Variants in AMBRA1 observed in about 807,000 individuals in gnomAD.
The protein encoded by AMBRA1 is activating molecule in BECN1-regulated autophagy protein 1.
Under a neutral mutation model 125.4 loss-of-function variants are expected in AMBRA1, and 47 were observed. The observed-to-expected ratio is 0.37, with a 90% CI of 0.30 to 0.48. AMBRA1 has a LOEUF of 0.48. AMBRA1 is among the 20% of genes least tolerant of loss of function. The pLI, the probability that AMBRA1 is intolerant of heterozygous loss-of-function variation, is 0.99. For synonymous variants in AMBRA1, 626 were observed against 655.5 expected (o/e 0.95, Z 0.69); for missense variants, 1,331 against 1,693.4 (o/e 0.79, Z 3.76).
chr11:46,543,126 G>A lies in AMBRA1; in HGVS notation c.891C>T (p.Pro297=), dbSNP rs1289638734. The part of the protein sequence containing the change: ...YIRLRQRVSY[P]TAECCQHLGI... ...CAAGGTGCTGGCAGCACTCAGCTGT[G>A]GGGTAACTGACCCGCTGTCGGAGCC... Residue 297 remains proline, a synonymous_variant, in exon 7 of 18, where the codon CCC becomes CCT. Transcript: ENST00000683756. The A allele has an allele frequency of 6.4e-7, 1 of 1,571,602 alleles. No homozygotes were observed. Among genetic ancestry groups the A allele is most frequent in the Non-Finnish European group, 8.6e-7 (1 of 1,164,374 alleles).
intron 11 of AMBRA1, among the ~76,000 whole-genome samples, chr11:46,468,106 C>T (rs1025643313): frequency 1.3e-5 from 2 of 152,308 alleles, no homozygotes; most frequent in Non-Finnish European, 1.5e-5. Context: ...GAAACCCTCA[C>T]ACATTTGTTG....
intron 14 of AMBRA1, among the ~76,000 whole-genome samples, chr11:46,419,845 T>A (rs1946757442): frequency 6.6e-6 from 1 of 151,942 alleles, no homozygotes; most frequent in Admixed American, 6.6e-5. Flanking sequence ...GATGATTGAG[T>A]CTGAACTAAG....
At chr11:46,535,953 G>A (rs557904194) in intron 7 of AMBRA1, among the ~76,000 whole-genome samples, 1 of 152,290 alleles carries the variant, frequency 6.6e-6, no homozygotes, top group Non-Finnish European at 1.5e-5. Flanking sequence ...AGCACACAGT[G>A]AAACATCAGA....
intron 16 of AMBRA1, 48 bp from the exon 17 acceptor site, chr11:46,408,754 C>A: frequency 6.1e-6 from 9 of 1,465,970 alleles, no homozygotes; most frequent in East Asian, 2.5e-5. Context: ...TGGGACAGCA[C>A]CCCTCACAGC....
chr11:46,542,824 G>A lies in AMBRA1; in HGVS notation c.1193C>T (p.Pro398Leu). 1.9e-6 allele frequency: 3 copies of A among 1,614,128 alleles called. No individual in the cohort carries two copies. Among genetic ancestry groups the A allele is most frequent in the South Asian group, 2.2e-5 (2 of 91,074 alleles). Residue 398 changes from proline (P) to leucine (L), a missense_variant, in exon 7 of 18, where the codon CCT (proline) becomes CTT (leucine). This residue lies in a region of AMBRA1 where 689 missense variants were observed against 776.5 expected (regional missense o/e 0.89). Coordinates refer to ENST00000683756, the MANE Select transcript of AMBRA1 (RefSeq NM_001387011.1). The surrounding 1 kb of genome is among the most constrained non-coding windows in gnomAD (Gnocchi z 5.9). ...ATACCTAGAAGGGTGGCTAGACAGA[G>A]GCCCTCCCAAAGAGCGGCGGGTAGG... Reference protein sequence around the residue: ...LGPTRRSLGGPLSSHPSRYHR... With the variant: ...LGPTRRSLGGLLSSHPSRYHR...
chr11:46,492,909 CGT>C (rs1470023799), intron 11 of AMBRA1, among the ~76,000 whole-genome samples: 3 of 152,090 alleles, frequency 2.0e-5, no homozygotes, highest in African/African-American at 7.2e-5. Context: ...ATTAGCTGGG[CGT>C]GGTGGCGGGC....
intron 14 of AMBRA1, among the ~76,000 whole-genome samples, chr11:46,429,425 C>A (rs1947342657): frequency 6.6e-6 from 1 of 152,172 alleles, no homozygotes; most frequent in Non-Finnish European, 1.5e-5. Flanking sequence ...GCCTACAATC[C>A]CCACTTATTG....
intron 15 of AMBRA1, among the ~76,000 whole-genome samples, chr11:46,416,795 G>C (rs959789608): frequency 6.6e-6 from 1 of 152,212 alleles, no homozygotes; most frequent in African/African-American, 2.4e-5. Context: ...TAGTCGGCTG[G>C]AACCTTGCAG....
chr11:46,560,845 G>A (rs899185415), intron 1 of AMBRA1, among the ~76,000 whole-genome samples: 3 of 152,090 alleles, frequency 2.0e-5, no homozygotes, highest in Non-Finnish European at 4.4e-5. Flanking sequence ...AATTTCAGAG[G>A]CAAAACAGCT....
chr11:46,586,422 TTAAAAA>T (rs1020129950), intron 1 of AMBRA1, among the ~76,000 whole-genome samples: 10 of 152,272 alleles, frequency 6.6e-5, no homozygotes, highest in African/African-American at 2.4e-4. Flanking sequence ...AATTTTTTAA[TTAAAAA>T]TAAAGATCCA....
intron 1 of AMBRA1, among the ~76,000 whole-genome samples, chr11:46,588,512 A>ATACC (rs1161773794): frequency 2.0e-5 from 3 of 152,106 alleles, no homozygotes; most frequent in African/African-American, 7.2e-5. Context: ...ACGGTGGCTC[A>ATACC]TACCTGTATT....
At chr11:46,521,902 A>AG (rs1200156730) in intron 7 of AMBRA1, among the ~76,000 whole-genome samples, 1 of 152,252 alleles carries the variant, frequency 6.6e-6, no homozygotes, top group Non-Finnish European at 1.5e-5. Context: ...CCTACAGTGT[A>AG]GATCAGCCTT....
At chr11:46,443,116 T>C (rs1948100830) in intron 12 of AMBRA1, among the ~76,000 whole-genome samples, 1 of 152,316 alleles carries the variant, frequency 6.6e-6, no homozygotes, top group African/African-American at 2.4e-5. Context: ...AAAACAAAGA[T>C]TTCTCTGCTC....
chr11:46,583,301 T>C (rs2044242641), intron 1 of AMBRA1, among the ~76,000 whole-genome samples: 1 of 151,556 alleles, frequency 6.6e-6, no homozygotes, highest in Non-Finnish European at 1.5e-5. Context: ...TAGCCATATG[T>C]AGAAAGCTGA....
At chr11:46,473,505 C>T (rs920362515) in intron 11 of AMBRA1, among the ~76,000 whole-genome samples, 2 of 152,188 alleles carry the variant, frequency 1.3e-5, no homozygotes, top group African/African-American at 4.8e-5. Context: ...AAAGTTAATT[C>T]TTCCTGTTAC....
chr11:46,413,993 C>T (rs1056380091), intron 15 of AMBRA1, among the ~76,000 whole-genome samples: 1 of 152,178 alleles, frequency 6.6e-6, no homozygotes, highest in Non-Finnish European at 1.5e-5. Flanking sequence ...TTCCAGTGGG[C>T]TTCCACCTCA....
intron 7 of AMBRA1, among the ~76,000 whole-genome samples, chr11:46,520,165 G>C (rs1266400327): frequency 1.3e-5 from 2 of 150,908 alleles, no homozygotes; most frequent in East Asian, 3.9e-4. Flanking sequence ...AAAATTACGA[G>C]GCTCCTAAAG....
At chr11:46,509,446 A>C (rs1951179759) in intron 8 of AMBRA1, among the ~76,000 whole-genome samples, 1 of 152,204 alleles carries the variant, frequency 6.6e-6, no homozygotes, top group Non-Finnish European at 1.5e-5. Flanking sequence ...CAATAATTCT[A>C]CTAGAAACTT....
Position 46,499,689 on chromosome 11 carries a change from C to G in AMBRA1, c.2340-5485G>C, listed in dbSNP as rs947465650. 9.9e-5 allele frequency among the ~76,000 whole-genome samples: 15 copies of G among 152,082 alleles called. No homozygotes were observed. In the Middle Eastern group the frequency reaches 0.01, roughly 103 times the overall value. Reference sequence around the variant, plus strand: ...TTCTTTTTTTTGAGATGGAGTCTCACTTTGTCACCCAGGCTGGAGTGTAGT... The same window carrying G: ...TTCTTTTTTTTGAGATGGAGTCTCAGTTTGTCACCCAGGCTGGAGTGTAGT... On this transcript the variant is annotated intron_variant, in intron 9 of 17. Coordinates refer to ENST00000683756, the MANE Select transcript of AMBRA1 (RefSeq NM_001387011.1).
Sources: allele counts gnomAD v4.1 joint callset (sites outside exome capture counted in the v4.1 genomes callset), GRCh38; gene constraint gnomAD v4.1.1; regional missense constraint gnomAD v4.1.1; non-coding constraint Gnocchi (gnomAD v3.1); transcripts MANE v1.5; gene names NCBI Gene and HGNC (gene_info 2026-07-23, HGNC 2026-07-21).